The following ST7 variants were observed in gnomAD, a reference collection of about 807,000 sequenced individuals.
ST7 encodes the protein suppressor of tumorigenicity 7 protein.
ST7 carries 28 observed loss-of-function variants against 78.7 expected under a neutral mutation model. The observed-to-expected ratio is 0.36, with a 90% confidence interval of 0.26 to 0.49. ST7 has a LOEUF of 0.49. ST7 is among the 20% of genes least tolerant of loss of function. The pLI is 0.99. For missense variants in ST7, 418 were observed against 696.0 expected, an observed-to-expected ratio of 0.60 and a Z score of 4.49; for synonymous variants, 247 against 249.6, an observed-to-expected ratio of 0.99 and a Z score of 0.10.
Position 117,219,574 on chromosome 7 carries a change from G to T in ST7, c.1498+398G>T, listed in dbSNP as rs1222517458. Among the ~76,000 whole-genome samples, 2 of 152,220 alleles carry T rather than the reference G, an allele frequency of 1.3e-5. No individual in the cohort carries two copies. The highest frequency in any genetic ancestry group is 6.5e-5 in the Admixed American group (1 of 15,282). ...AAGAGGAGCTGCTGACTGAGAGGGA[G>T]CTGCGCATGAGTCATGGGTGGGAGG... On this transcript the variant is annotated intron_variant, in intron 14 of 15. Transcript: ENST00000323984. This position sits in a 1 kb window ranked among gnomAD's most constrained non-coding sequence, Gnocchi z 5.1.
chr7:117,156,769 C>T (rs1806725387), intron 9 of ST7, among the ~76,000 whole-genome samples: 1 of 151,892 alleles, frequency 6.6e-6, no homozygotes, highest in Admixed American at 6.6e-5. Flanking sequence ...ATGAGAGTGG[C>T]CCAAGAAAGA....
At position 117,222,049 on chromosome 7, in the gene ST7, T is replaced by A. The variant is rs1239096109; in HGVS notation, c.1625T>A (p.Val542Asp). ...LTHQFPELMG[V>D]FAKAFLSTLF... ...CATCAGTTCCCGGAACTTATGGGGG[T>A]CTTCGCAAAAGCTGTGAGTGTTTGC... is the stretch of plus-strand genomic sequence containing the variant. The change falls in exon 15 of 16, where the codon GTC becomes GAC. Residue 542 changes from valine (V) to aspartate (D), a missense_variant. By Grantham distance (152) the Val-to-Asp change is radical. Coordinates refer to ENST00000323984, the MANE Select transcript of ST7 (RefSeq NM_001369598.1). 2 of 1,609,574 alleles carry A rather than the reference T, an allele frequency of 1.2e-6. No individual in the cohort carries two copies. Among genetic ancestry groups the A allele is most frequent in the Non-Finnish European group, 1.7e-6 (2 of 1,178,308 alleles).
chr7:117,181,380 T>C (rs1267657459), intron 10 of ST7, among the ~76,000 whole-genome samples: 1 of 152,206 alleles, frequency 6.6e-6, no homozygotes, highest in Non-Finnish European at 1.5e-5. Context: ...TATGGGATAG[T>C]GACAAGGACA....
chr7:117,196,551 T>C (rs1448820401), intron 12 of ST7, among the ~76,000 whole-genome samples: 1 of 151,856 alleles, frequency 6.6e-6, no homozygotes, highest in Non-Finnish European at 1.5e-5. Flanking sequence ...AGTTGGTCAT[T>C]CATATATCTT....
chr7:116,972,362 T>C (rs1793470277), intron 1 of ST7: 4 of 634,788 alleles, frequency 6.3e-6, no homozygotes, highest in Non-Finnish European at 1.1e-5. Flanking sequence ...TTCTCATATT[T>C]GTCTTCTTTT....
At chr7:117,012,078 T>C (rs181809929) in intron 1 of ST7, among the ~76,000 whole-genome samples, 68 of 152,336 alleles carry the variant, frequency 4.5e-4, no homozygotes, top group Non-Finnish European at 6.5e-4. Flanking sequence ...ACTTGAGTAC[T>C]TATTTCTGCT....
At chr7:117,065,156 AGC>A (rs1399384302) in intron 1 of ST7, among the ~76,000 whole-genome samples, 1 of 151,614 alleles carries the variant, frequency 6.6e-6, no homozygotes, top group Non-Finnish European at 1.5e-5. Flanking sequence ...AAGATTCTAT[AGC>A]AAGTTATGAA....
At chr7:117,150,132 T>A (rs1806135567) in intron 9 of ST7, among the ~76,000 whole-genome samples, 1 of 152,160 alleles carries the variant, frequency 6.6e-6, no homozygotes, top group Non-Finnish European at 1.5e-5. Flanking sequence ...CTGATATCCC[T>A]GGTTTCGTGG....
At chr7:117,096,367 A>G (rs919952475) in intron 1 of ST7, among the ~76,000 whole-genome samples, 5 of 152,200 alleles carry the variant, frequency 3.3e-5, no homozygotes, top group African/African-American at 1.2e-4. Flanking sequence ...CACAGAAATG[A>G]CAAGCTCACA....
At chr7:117,152,535 T>C (rs948846419) in intron 9 of ST7, among the ~76,000 whole-genome samples, 1 of 152,126 alleles carries the variant, frequency 6.6e-6, no homozygotes, top group Non-Finnish European at 1.5e-5. Context: ...CTGCCAGCCA[T>C]TCCTCCCACC....
chr7:117,020,520 C>T lies in ST7; in HGVS notation c.151+66829C>T, dbSNP rs1584464270. 4 of 1,499,544 alleles carry T rather than the reference C, an allele frequency of 2.7e-6. No individual in the cohort carries two copies. In the East Asian group the frequency reaches 9.8e-5, roughly 37 times the overall value. 92.9% of individuals were successfully genotyped at this position (1,499,544 alleles called of 1,614,324 possible). A position where few individuals can be genotyped will look rare whatever the true frequency, so the allele number is the denominator to read the frequency against. ...TGTGTAGCCGGCTCATCTCTTCACTCTCACATGTACACTCTCCTCGCTTTT... is the reference window on the plus strand; with the variant it reads ...TGTGTAGCCGGCTCATCTCTTCACTTTCACATGTACACTCTCCTCGCTTTT... On this transcript the variant is annotated intron_variant, in intron 1 of 15. Transcript: ENST00000323984.
intron 1 of ST7, among the ~76,000 whole-genome samples, chr7:117,071,529 A>G (rs559362887): frequency 6.2e-4 from 95 of 152,362 alleles, no homozygotes; most frequent in Middle Eastern, 3.4e-3. Context: ...CAAAGACACC[A>G]TATGAAAATA....
intron 1 of ST7, among the ~76,000 whole-genome samples, chr7:116,971,286 G>A (rs1793404253): frequency 1.3e-5 from 2 of 152,274 alleles, no homozygotes; most frequent in South Asian, 4.2e-4. Flanking sequence ...CAATGAGATG[G>A]CACTTTTAGA....
chr7:117,227,414 A>G (rs1352243094), intron 15 of ST7, among the ~76,000 whole-genome samples: 1 of 151,992 alleles, frequency 6.6e-6, no homozygotes, highest in Non-Finnish European at 1.5e-5. Context: ...ATCTTCCACC[A>G]CCTGTCAGAA....
chr7:117,220,099 A>T (rs1448445367), intron 14 of ST7, among the ~76,000 whole-genome samples: 2 of 152,186 alleles, frequency 1.3e-5, no homozygotes, highest in African/African-American at 2.4e-5. Context: ...ACATATAAGT[A>T]CTTTCCCCAG....
chr7:117,181,797 A>G, intron 10 of ST7, among the ~76,000 whole-genome samples: 1 of 152,222 alleles, frequency 6.6e-6, no homozygotes, highest in East Asian at 1.9e-4. Context: ...GATAGTGGAT[A>G]TGAAAATACT....
intron 1 of ST7, among the ~76,000 whole-genome samples, chr7:116,977,133 C>T (rs1341234965): frequency 6.6e-6 from 1 of 152,146 alleles, no homozygotes; most frequent in African/African-American, 2.4e-5. Flanking sequence ...TTCTGAGGAC[C>T]ATTAAAATGT....
intron 1 of ST7, among the ~76,000 whole-genome samples, chr7:116,994,646 A>G (rs537852852): frequency 3.9e-5 from 6 of 152,228 alleles, no homozygotes; most frequent in Non-Finnish European, 8.8e-5. Flanking sequence ...GATTAAAAGA[A>G]AATCTTTAGT....
chr7:117,225,475 G>A (rs1005068882), intron 15 of ST7, among the ~76,000 whole-genome samples: 2 of 152,144 alleles, frequency 1.3e-5, no homozygotes, highest in African/African-American at 4.8e-5. Flanking sequence ...ACTGTGTGGG[G>A]AAGGAAGATG....
Sources: allele counts gnomAD v4.1 joint callset (sites outside exome capture counted in the v4.1 genomes callset), GRCh38; gene constraint gnomAD v4.1.1; non-coding constraint Gnocchi (gnomAD v3.1); transcripts MANE v1.5; gene names NCBI Gene and HGNC (gene_info 2026-07-23, HGNC 2026-07-21).